The following TMEM33 variants were observed in gnomAD, a reference collection of about 807,000 sequenced individuals.
TMEM33 encodes the protein transmembrane protein 33.
Under a neutral mutation model 29.7 loss-of-function variants are expected in TMEM33, and 16 were observed. That is an observed-to-expected ratio of 0.54 (90% confidence interval 0.36 to 0.82). The LOEUF is 0.82. TMEM33 is among the 40% of genes least tolerant of loss of function. The pLI is 0.00. For missense variants in TMEM33, 252 were observed against 295.3 expected (o/e 0.85, Z 1.08); for synonymous variants, 112 against 109.4 (o/e 1.02, Z -0.15).
chr4:41,947,534 A>G (rs192762929), intron 5 of TMEM33, among the ~76,000 whole-genome samples: 16 of 152,270 alleles, frequency 1.1e-4, no homozygotes, highest in African/African-American at 2.6e-4. Context: ...CAAACTTACC[A>G]TCTTAATTTT....
rs971313620 is a variant in TMEM33, at chr4:41,955,762, A to G, written c.*1563A>G. ...ACTATGTAAGTAATCCAATGGTTTT[A>G]GAAACTAAACTTTCTAGAGCAATAA... On this transcript the variant is annotated 3_prime_UTR_variant, in exon 7 of 7. Transcript: ENST00000504986. 1 of 152,656 alleles carries G rather than the reference A, an allele frequency of 6.6e-6. No individual in the cohort carries two copies. Among genetic ancestry groups the G allele is most frequent in the African/African-American group, 2.4e-5 (1 of 41,456 alleles). 9.5% of individuals were successfully genotyped at this position (152,656 alleles called of 1,614,324 possible). A position where few individuals can be genotyped will look rare whatever the true frequency, so the allele number is the denominator to read the frequency against.
rs1449574811 is a variant in TMEM33 at position 41,959,943 on chromosome 4, TATCTA to T, written c.*5747_*5751del. On this transcript the variant is annotated 3_prime_UTR_variant, in exon 7 of 7. Coordinates refer to ENST00000504986, the MANE Select transcript of TMEM33 (RefSeq NM_018126.3). The stretch of plus-strand genomic sequence containing the variant: ...TAACTTCTCTTGAATCCATTTTTAA[TATCTA>T]ATATTGTACAGGTTGGGGAGTTACA... The T allele has an allele frequency of 2.0e-5, 3 of 152,192 alleles. No individual in the cohort carries two copies. Among genetic ancestry groups the T allele is most frequent in the African/African-American group, 7.2e-5 (3 of 41,462 alleles). The allele number at this position is 152,192 out of a possible 1,614,324, so 9.4% of individuals were successfully genotyped here. A position where few individuals can be genotyped will look rare whatever the true frequency, so the allele number is the denominator to read the frequency against.
chr4:41,944,854 A>G lies in TMEM33; in HGVS notation c.458A>G (p.Gln153Arg). ...RSVLDKLSANQQNILKFIACN... is the reference protein window; with the variant it reads ...RSVLDKLSANRQNILKFIACN... Reference sequence around the variant, plus strand: ...GTCTTGGACAAATTAAGTGCTAATCAACAAAATATTCTGAAATTCATTGCT... The same window carrying G: ...GTCTTGGACAAATTAAGTGCTAATCGACAAAATATTCTGAAATTCATTGCT... Residue 153 changes from glutamine (Q) to arginine (R), a missense_variant, in exon 5 of 7, where the codon CAA (glutamine) becomes CGA (arginine). By Grantham distance (43) the Gln-to-Arg change is conservative. Transcript: ENST00000504986. The G allele has an allele frequency of 6.2e-7, 1 of 1,613,620 alleles. No homozygotes were observed. Among genetic ancestry groups the G allele is most frequent in the Non-Finnish European group, 8.5e-7 (1 of 1,179,822 alleles).
chr4:41,940,566 T>G (rs186948219), intron 3 of TMEM33, among the ~76,000 whole-genome samples: 67 of 152,022 alleles, frequency 4.4e-4, no homozygotes, highest in Admixed American at 1.2e-3. Flanking sequence ...CGGTGGCACT[T>G]TGGGAGGCTG....
intron 5 of TMEM33, among the ~76,000 whole-genome samples, chr4:41,948,577 T>C (rs1285822980): frequency 1.3e-5 from 2 of 152,098 alleles, no homozygotes; most frequent in African/African-American, 4.8e-5. Flanking sequence ...TGTAATAATA[T>C]GTGTAGTTTT....
rs1713207643 is a variant in TMEM33 at position 41,955,125 on chromosome 4, A to C, written c.*926A>C. On this transcript the variant is annotated 3_prime_UTR_variant, in exon 7 of 7. Transcript: ENST00000504986. ...GAATGTAATGAAGATTCAGCATCTG[A>C]CTATATGTGTGTCTATCCTGAAATA... is the stretch of plus-strand genomic sequence containing the variant. 6.6e-6 allele frequency: 1 copy of C among 152,646 alleles called. No individual in the cohort carries two copies. The highest frequency in any genetic ancestry group is 6.5e-5 in the Admixed American group (1 of 15,274). 9.5% of individuals were successfully genotyped at this position (152,646 alleles called of 1,614,324 possible).
rs1713232342 is a variant in TMEM33 at position 41,955,650 on chromosome 4, A to G, written c.*1451A>G. 1.3e-5 allele frequency: 2 copies of G among 152,616 alleles called. No homozygotes were observed. The highest frequency in any genetic ancestry group is 6.5e-5 in the Admixed American group (1 of 15,276). The allele number at this position is 152,616 out of a possible 1,614,324, so 9.5% of individuals were successfully genotyped here. ...CTTGATAGCTTAACTATAATCAGCTATTTTTGTATTTTTGTAATATTTGTC... is the reference window on the plus strand; with the variant it reads ...CTTGATAGCTTAACTATAATCAGCTGTTTTTGTATTTTTGTAATATTTGTC... On this transcript the variant is annotated 3_prime_UTR_variant, in exon 7 of 7. Transcript: ENST00000504986.
intron 3 of TMEM33, among the ~76,000 whole-genome samples, chr4:41,942,291 C>T (rs1293346276): frequency 6.6e-6 from 1 of 152,138 alleles, no homozygotes; most frequent in Admixed American, 6.5e-5. Flanking sequence ...TATATGATCT[C>T]TACTTAGGAA....
At chr4:41,940,619 C>T (rs904237587) in intron 3 of TMEM33, among the ~76,000 whole-genome samples, 1 of 151,758 alleles carries the variant, frequency 6.6e-6, no homozygotes, top group African/African-American at 2.4e-5. Context: ...ACCATCCTGG[C>T]TAATATGGCG....
intron 6 of TMEM33, 191 bp from the exon 7 acceptor site, chr4:41,953,879 A>G: frequency 1.5e-6 from 1 of 659,922 alleles, no homozygotes; most frequent in East Asian, 3.1e-5. Flanking sequence ...AAGAATTGGC[A>G]AAGTGTGACG....
Position 41,944,863 on chromosome 4 carries a change from T to C in TMEM33, c.467T>C (p.Ile156Thr), listed in dbSNP as rs780407956. Residue 156 changes from isoleucine (I) to threonine (T), a missense_variant, in exon 5 of 7, where the codon ATT (isoleucine) becomes ACT (threonine). Coordinates refer to ENST00000504986, the MANE Select transcript of TMEM33 (RefSeq NM_018126.3). ...AAATTAAGTGCTAATCAACAAAATA[T>C]TCTGAAATTCATTGCTTGCAATGAA... Reference protein sequence around the residue: ...LDKLSANQQNILKFIACNEIF... With the variant: ...LDKLSANQQNTLKFIACNEIF... 2.5e-6 allele frequency: 4 copies of C among 1,613,472 alleles called. No homozygotes were observed. The African/African-American group carries it at 5.3e-5, about 22-fold the overall frequency.
intron 4 of TMEM33, chr4:41,944,148 G>A: frequency 3.7e-6 from 1 of 268,012 alleles, no homozygotes; most frequent in Non-Finnish European, 7.1e-6. Flanking sequence ...TTTAATTCTG[G>A]CATACCTGAT....
intron 1 of TMEM33, among the ~76,000 whole-genome samples, chr4:41,938,297 C>T (rs898537617): frequency 6.6e-6 from 1 of 152,108 alleles, no homozygotes; most frequent in African/African-American, 2.4e-5. Context: ...AGTTGAATTT[C>T]TGTTAAGATT....
At chr4:41,937,692 G>C (rs1240349529) in intron 1 of TMEM33, among the ~76,000 whole-genome samples, 3 of 152,016 alleles carry the variant, frequency 2.0e-5, no homozygotes, top group Admixed American at 1.3e-4. Context: ...CCATGTATAT[G>C]GATCTCAATG....
Position 41,945,022 on chromosome 4 carries a change from G to A in TMEM33, c.530+96G>A, listed in dbSNP as rs1712721997. 7.6e-6 allele frequency: 11 copies of A among 1,452,890 alleles called. No homozygotes were observed. The South Asian group carries it at 9.2e-5, about 12-fold the overall frequency. 90.0% of individuals were successfully genotyped at this position (1,452,890 alleles called of 1,614,324 possible). ...TTCTGTTTAAATCTGTTGAAGGTAG[G>A]TATTGACATGTAGAGCTAAATGAAT... On this transcript the variant is annotated intron_variant, in intron 5 of 6. Coordinates refer to ENST00000504986, the MANE Select transcript of TMEM33 (RefSeq NM_018126.3).
chr4:41,949,143 C>T (rs982534975), intron 5 of TMEM33, among the ~76,000 whole-genome samples, 159 bp from the exon 6 acceptor site: 1 of 151,858 alleles, frequency 6.6e-6, no homozygotes, highest in Non-Finnish European at 1.5e-5. Flanking sequence ...CTTTTATATC[C>T]TTTTTTAAGG....
At chr4:41,943,027 G>A (rs145640153) in intron 3 of TMEM33, among the ~76,000 whole-genome samples, 4 of 152,250 alleles carry the variant, frequency 2.6e-5, no homozygotes, top group African/African-American at 4.8e-5. Flanking sequence ...TTTCCTCAGC[G>A]TTTGAGATTG....
In TMEM33 at chr4:41,959,751, T is replaced by C. The variant is rs1020694778; in HGVS notation, c.*5552T>C. 6.6e-6 allele frequency: 1 copy of C among 152,206 alleles called. No homozygotes were observed. The highest frequency in any genetic ancestry group is 1.5e-5 in the Non-Finnish European group (1 of 68,016). 9.4% of individuals were successfully genotyped at this position (152,206 alleles called of 1,614,324 possible). A position where few individuals can be genotyped will look rare whatever the true frequency, so the allele number is the denominator to read the frequency against. ...CCAAATCGGTGAAGTGTTGAGCAAGTAACATTTATGATGTGTGTATATTGG... is the reference window on the plus strand; with the variant it reads ...CCAAATCGGTGAAGTGTTGAGCAAGCAACATTTATGATGTGTGTATATTGG... On this transcript the variant is annotated 3_prime_UTR_variant, in exon 7 of 7. Transcript: ENST00000504986.
intron 5 of TMEM33, among the ~76,000 whole-genome samples, chr4:41,945,273 A>G (rs1327027609): frequency 6.6e-6 from 1 of 152,200 alleles, no homozygotes. Flanking sequence ...TTATGTTCTT[A>G]TATTAATAGT....
Sources: allele counts gnomAD v4.1 joint callset (sites outside exome capture counted in the v4.1 genomes callset), GRCh38; gene constraint gnomAD v4.1.1; transcripts MANE v1.5; gene names NCBI Gene and HGNC (gene_info 2026-07-23, HGNC 2026-07-21).